ARSG: variants seen among roughly 807,000 people sequenced by gnomAD.
The protein encoded by ARSG is ASG.
A neutral mutation model predicts 50.5 loss-of-function variants in ARSG; 37 were observed. The ratio of observed to expected loss-of-function variants is 0.73; its 90% CI spans 0.56 to 0.96. ARSG has a LOEUF of 0.96. Among genes scored for constraint, ARSG ranks in the 50% least tolerant of loss-of-function variants. The pLI, the probability that ARSG is intolerant of heterozygous loss-of-function variation, is 0.00. For missense variants in ARSG, 629 were observed against 675.3 expected, an observed-to-expected ratio of 0.93 and a Z score of 0.76; for synonymous variants, 225 against 254.6, an observed-to-expected ratio of 0.88 and a Z score of 1.11.
chr17:68,338,534 G>C (rs1043603896), intron 2 of ARSG, among the ~76,000 whole-genome samples: 1 of 152,074 alleles, frequency 6.6e-6, no homozygotes, highest in Non-Finnish European at 1.5e-5. Flanking sequence ...TGAGTCCCAG[G>C]GTGTGCCCTT....
In ARSG at chr17:68,381,342, A is replaced by C. The variant is rs1251423234; in HGVS notation, c.983-3722A>C. Among the ~76,000 whole-genome samples the C allele has an allele frequency of 6.6e-6, 1 of 152,200 alleles. No individual in the cohort carries two copies. Among genetic ancestry groups the C allele is most frequent in the East Asian group, 1.9e-4 (1 of 5,198 alleles). The stretch of plus-strand genomic sequence containing the variant: ...GCTGTGGCTAAATATTTATTGCTTT[A>C]AGAGGTTCTGCTTTAATTAGAGTCA... On this transcript the variant is annotated intron_variant, in intron 8 of 11. Transcript: ENST00000621439. This position sits in a 1 kb window ranked among gnomAD's most constrained non-coding sequence, Gnocchi z 4.1.
At chr17:68,388,796 G>A (rs1203194350) in intron 9 of ARSG, among the ~76,000 whole-genome samples, 2 of 151,782 alleles carry the variant, frequency 1.3e-5, no homozygotes, top group South Asian at 2.1e-4. Flanking sequence ...GTGGTGGCGC[G>A]TGCCTGTAAT....
intron 1 of ARSG, chr17:68,270,838 C>G: frequency 1.3e-6 from 2 of 1,596,154 alleles, no homozygotes; most frequent in Non-Finnish European, 1.7e-6. Flanking sequence ...ATTTAAATTA[C>G]CTGCAAGGGG....
chr17:68,273,451 G>A (rs534444766), intron 1 of ARSG, among the ~76,000 whole-genome samples: 1 of 152,128 alleles, frequency 6.6e-6, no homozygotes, highest in African/African-American at 2.4e-5. Flanking sequence ...AAACTGCTGG[G>A]CTCACGTGAT....
intron 9 of ARSG, among the ~76,000 whole-genome samples, chr17:68,392,008 C>T (rs1368583267): frequency 6.6e-6 from 1 of 152,154 alleles, no homozygotes; most frequent in East Asian, 1.9e-4. Flanking sequence ...TTCTGCAGCC[C>T]CCTTAGAGGG....
the ARSG span, among the ~76,000 whole-genome samples, chr17:68,437,554 G>GA: frequency 8.2e-3 from 1,097 of 133,096 alleles, 12 homozygotes; most frequent in African/African-American, 0.023. Flanking sequence ...TCTGTCTTAA[G>GA]AAAAAAAAAA....
chr17:68,315,549 C>G (rs1235088620), intron 2 of ARSG, among the ~76,000 whole-genome samples: 5 of 151,850 alleles, frequency 3.3e-5, no homozygotes, highest in African/African-American at 4.8e-5. Context: ...AGATTGGAAT[C>G]TCATCATTTT....
At chr17:68,263,550 A>G (rs1379020211) in intron 1 of ARSG, among the ~76,000 whole-genome samples, 22 of 152,172 alleles carry the variant, frequency 1.4e-4, no homozygotes, top group Admixed American at 2.0e-4. Flanking sequence ...ACTCACTGCA[A>G]CCTCTGCCTT....
At chr17:68,366,417 G>A (rs575716245) in intron 6 of ARSG, among the ~76,000 whole-genome samples, 30 of 152,254 alleles carry the variant, frequency 2.0e-4, no homozygotes, top group African/African-American at 6.7e-4. Context: ...GCCAGGCACT[G>A]CCCTGTGCAG....
chr17:68,271,159 G>A lies in ARSG; in HGVS notation c.-552+11733G>A. On this transcript the variant is annotated intron_variant, in intron 1 of 11. Coordinates refer to the ARSG transcript ENST00000448504. This position sits in a 1 kb window ranked among gnomAD's most constrained non-coding sequence, Gnocchi z 5.3. ...GAAAACTTCTGCAATGGCCATCGTA[G>A]ATAATAAAAAAGCAGCGCGGTCCTG... 6.2e-7 allele frequency: 1 copy of A among 1,614,108 alleles called. No individual in the cohort carries two copies. Among genetic ancestry groups the A allele is most frequent in the East Asian group, 2.2e-5 (1 of 44,890 alleles).
chr17:68,427,228 C>T (rs2083256744), downstream of ARSG: 1 of 1,614,040 alleles, frequency 6.2e-7, no homozygotes, highest in African/African-American at 1.3e-5. Flanking sequence ...TCTTTATTCT[C>T]TTCTGTTGTT....
intron 8 of ARSG, among the ~76,000 whole-genome samples, chr17:68,379,591 T>C (rs2080330974): frequency 6.6e-6 from 1 of 152,020 alleles, no homozygotes; most frequent in Non-Finnish European, 1.5e-5. Flanking sequence ...AGCCTGCTTC[T>C]TTAGAAGGTT....
Position 68,351,676 on chromosome 17 carries a change from G to A in ARSG, c.556G>A (p.Gly186Arg). The A allele has an allele frequency of 1.2e-6, 2 of 1,608,726 alleles. No homozygotes were observed. The highest frequency in any genetic ancestry group is 1.7e-6 in the Non-Finnish European group (2 of 1,175,220). The stretch of plus-strand genomic sequence containing the variant: ...TTGTCCAGCGTGTCCACAGGGTGAT[G>A]GACCATCAAGGTAATGCTGTCTGAC... The part of the protein sequence containing the change: ...PPCPACPQGD[G>R]PSRNLQRDCY... The change falls in exon 5 of 12, where the codon GGA (glycine) becomes AGA (arginine). Residue 186 changes from glycine (G) to arginine (R), a missense_variant. Gly to Arg is a moderately radical substitution (Grantham distance 125). Transcript: ENST00000621439.
At chr17:68,324,277 T>C (rs1276699800) in intron 2 of ARSG, among the ~76,000 whole-genome samples, 1 of 152,130 alleles carries the variant, frequency 6.6e-6, no homozygotes, top group African/African-American at 2.4e-5. Flanking sequence ...CTGGTTCCTG[T>C]ACCCATCCTT....
intron 1 of ARSG, among the ~76,000 whole-genome samples, chr17:68,280,846 C>T (rs2075671547): frequency 6.6e-6 from 1 of 152,078 alleles, no homozygotes; most frequent in African/African-American, 2.4e-5. Context: ...CAGAGTGAGG[C>T]CAGATGTAGT....
At chr17:68,335,764 G>C (rs1395632614) in intron 2 of ARSG, among the ~76,000 whole-genome samples, 1 of 152,202 alleles carries the variant, frequency 6.6e-6, no homozygotes, top group African/African-American at 2.4e-5. Context: ...ATAGTGGGGA[G>C]AGACATTCCC....
chr17:68,427,197 A>G (rs1376730965), downstream of ARSG: 2 of 1,614,100 alleles, frequency 1.2e-6, no homozygotes, highest in African/African-American at 2.7e-5. Context: ...AGACTGAGGT[A>G]AGGAAGGTCT....
intron 8 of ARSG, among the ~76,000 whole-genome samples, chr17:68,372,787 C>T (rs1489091118): frequency 2.0e-5 from 3 of 152,146 alleles, no homozygotes; most frequent in East Asian, 1.9e-4. Flanking sequence ...CTAGCACTCC[C>T]GTCATCGTAT....
chr17:68,383,646 G>A (rs911204186), intron 8 of ARSG, among the ~76,000 whole-genome samples: 4 of 152,192 alleles, frequency 2.6e-5, no homozygotes, highest in Non-Finnish European at 5.9e-5. Flanking sequence ...CTAAGCTGAC[G>A]CATAAGTCAT....
Sources: gnomAD v4.1 joint callset for allele counts (sites outside exome capture counted in the v4.1 genomes callset) on GRCh38, gnomAD v4.1.1 for gene constraint, Gnocchi (gnomAD v3.1) non-coding constraint, MANE v1.5 for transcripts, NCBI Gene and HGNC (gene_info 2026-07-23, HGNC 2026-07-21) for gene names.